The following SNRPA1 variants were observed in gnomAD, a reference collection of about 807,000 sequenced individuals.
SNRPA1 encodes small nuclear ribonucleoprotein polypeptide A'.
A neutral mutation model predicts 32.3 loss-of-function variants in SNRPA1; 5 were observed. That is an observed-to-expected ratio of 0.15 (90% confidence interval 0.08 to 0.33). The LOEUF is 0.33. SNRPA1 is among the 10% of genes least tolerant of loss of function. The probability of loss-of-function intolerance (pLI) is 1.00; values close to 1 mark genes in which losing one functional copy is unlikely to be tolerated. For synonymous variants in SNRPA1, 111 were observed against 120.1 expected, an observed-to-expected ratio of 0.92 and a Z score of 0.50; for missense variants, 198 against 311.1, an observed-to-expected ratio of 0.64 and a Z score of 2.74.
chr15:101,286,873 C>A (rs760487919), intron 5 of SNRPA1, 35 bp downstream of exon 5: 3 of 1,097,854 alleles, frequency 2.7e-6, no homozygotes, highest in South Asian at 2.6e-5. Context: ...ACACACAACT[C>A]TATAATGGCT....
chr15:101,292,618 G>A (rs530279583), intron 2 of SNRPA1, among the ~76,000 whole-genome samples: 1 of 149,924 alleles, frequency 6.7e-6, no homozygotes, highest in African/African-American at 2.4e-5. Context: ...GAGACGCTCA[G>A]TCAAAAGTAT....
intron 1 of SNRPA1, 33 bp downstream of exon 1, chr15:101,295,064 C>G (rs1596473961): frequency 7.2e-7 from 1 of 1,387,706 alleles, no homozygotes; most frequent in Non-Finnish European, 9.6e-7. Flanking sequence ...TCGGTGCCGC[C>G]TGGGGACTGG....
intron 1 of SNRPA1, among the ~76,000 whole-genome samples, chr15:101,294,372 T>C (rs1029135708): frequency 1.9e-4 from 29 of 152,212 alleles, no homozygotes; most frequent in Admixed American, 1.9e-3. Flanking sequence ...GGTCTTATCC[T>C]CAGAGAAGTT....
chr15:101,286,307 AC>A lies in SNRPA1; in HGVS notation c.460-15del, dbSNP rs1450744871. On this transcript the variant is annotated splice_polypyrimidine_tract_variant and intron_variant, in intron 5 of 8. Coordinates refer to ENST00000254193, the MANE Select transcript of SNRPA1 (RefSeq NM_003090.4). The stretch of plus-strand genomic sequence containing the variant: ...TTCCTGACGCTCCTACAGCGACACC[AC>A]ACACAGAGTTAATGGAAATAGGAAT... The A allele has an allele frequency of 1.9e-6, 3 of 1,612,326 alleles. No individual in the cohort carries two copies. Among genetic ancestry groups the A allele is most frequent in the Non-Finnish European group, 2.5e-6 (3 of 1,178,550 alleles).
chr15:101,290,280 C>T (rs542502068), intron 3 of SNRPA1, among the ~76,000 whole-genome samples: 1 of 152,344 alleles, frequency 6.6e-6, no homozygotes, highest in African/African-American at 2.4e-5. Context: ...CTCTCAATAA[C>T]TGATAAGCCC....
chr15:101,282,023 C>T (rs1288664826), intron 8 of SNRPA1, among the ~76,000 whole-genome samples: 1 of 152,220 alleles, frequency 6.6e-6, no homozygotes, highest in Non-Finnish European at 1.5e-5. Context: ...AAATTGTTGC[C>T]TCCCATTGTA....
At chr15:101,287,913 TTC>T in intron 3 of SNRPA1, 1 of 520,662 alleles carries the variant, frequency 1.9e-6, no homozygotes, top group Non-Finnish European at 3.5e-6. Context: ...CATTAACAGC[TTC>T]TGTCTCAATA....
chr15:101,288,693 G>A (rs2039484282), intron 3 of SNRPA1, among the ~76,000 whole-genome samples: 1 of 152,224 alleles, frequency 6.6e-6, no homozygotes, highest in Non-Finnish European at 1.5e-5. Context: ...GGAACAAGTA[G>A]AGACAACCCA....
At chr15:101,287,856 T>C in intron 3 of SNRPA1, 154 bp from the exon 4 acceptor site, 1 of 648,322 alleles carries the variant, frequency 1.5e-6, no homozygotes, top group South Asian at 1.8e-5. Context: ...CACAAATGTT[T>C]AAATAATTTC....
chr15:101,284,359 G>T (rs573221728), intron 8 of SNRPA1, among the ~76,000 whole-genome samples: 1 of 152,172 alleles, frequency 6.6e-6, no homozygotes, highest in African/African-American at 2.4e-5. Flanking sequence ...AACTACTGAG[G>T]TATCATGCAC....
intron 8 of SNRPA1, among the ~76,000 whole-genome samples, chr15:101,283,601 ACAGACTCC>A (rs964024915): frequency 4.6e-5 from 7 of 152,102 alleles, no homozygotes; most frequent in Non-Finnish European, 7.4e-5. Flanking sequence ...TCTTCACCTT[ACAGACTCC>A]CAGAGGCCCA....
chr15:101,286,941 G>C lies in SNRPA1; in HGVS notation c.426C>G (p.Val142=), dbSNP rs1273354287. 6.2e-7 allele frequency: 1 copy of C among 1,603,584 alleles called. No individual in the cohort carries two copies. The highest frequency in any genetic ancestry group is 1.7e-5 in the Admixed American group (1 of 59,920). Residue 142 remains valine (V), a synonymous_variant, in exon 5 of 9, where the codon GTC becomes GTG. Coordinates refer to ENST00000254193, the MANE Select transcript of SNRPA1 (RefSeq NM_003090.4). ...RLYVIYKVPQ[V]RVLDFQKVKL... Reference sequence around the variant, plus strand: ...TCACTTTCTGGAAATCCAGTACTCTGACTTGCGGAACTTTATAAATCACAT... The same window carrying C: ...TCACTTTCTGGAAATCCAGTACTCTCACTTGCGGAACTTTATAAATCACAT...
chr15:101,287,116 T>C, intron 4 of SNRPA1, 106 bp from the exon 5 acceptor site: 2 of 563,102 alleles, frequency 3.6e-6, no homozygotes, highest in South Asian at 5.0e-5. Context: ...ACATTCACAT[T>C]CTTCACATTG....
chr15:101,283,770 G>C (rs8027103), intron 8 of SNRPA1, among the ~76,000 whole-genome samples: 28,929 of 152,056 alleles, frequency 0.19, 8,008 homozygotes, highest in African/African-American at 0.61. Flanking sequence ...ATGGTGAAAC[G>C]CTGTCTCTAC....
intron 3 of SNRPA1, among the ~76,000 whole-genome samples, chr15:101,290,539 G>A (rs2039511485): frequency 1.3e-5 from 2 of 151,948 alleles, no homozygotes; most frequent in African/African-American, 2.4e-5. Context: ...AGGAAAATAC[G>A]GGAGGAAGGT....
Position 101,292,059 on chromosome 15 carries a change from C to G in SNRPA1, c.231-19G>C. The G allele has an allele frequency of 6.4e-7, 1 of 1,564,546 alleles. No individual in the cohort carries two copies. Among genetic ancestry groups the G allele is most frequent in the Non-Finnish European group, 8.8e-7 (1 of 1,136,002 alleles). On this transcript the variant is annotated intron_variant, in intron 2 of 8. Transcript: ENST00000254193. ...TATACGGCTAAAATAAAAATAGAGT[C>G]TTAGTAAAAGTGAAAATTAAATAAG...
intron 4 of SNRPA1, 44 bp downstream of exon 4, chr15:101,287,612 T>C: frequency 6.5e-7 from 1 of 1,543,818 alleles, no homozygotes; most frequent in Non-Finnish European, 9.0e-7. Flanking sequence ...AAAGTAATGT[T>C]ATTTTAAAGG....
intron 2 of SNRPA1, 102 bp downstream of exon 2, chr15:101,292,921 AAG>A: frequency 1.6e-6 from 1 of 626,814 alleles, no homozygotes; most frequent in Non-Finnish European, 2.5e-6. Context: ...GAAAAAGAAA[AAG>A]AAACATGTAG....
In SNRPA1 at chr15:101,295,195, C is replaced by T. The variant is rs898043908; in HGVS notation, c.-17G>A. 5.2e-6 allele frequency: 8 copies of T among 1,526,554 alleles called. No individual in the cohort carries two copies. Among genetic ancestry groups the T allele is most frequent in the African/African-American group, 2.9e-5 (2 of 69,500 alleles). The allele number at this position is 1,526,554 out of a possible 1,614,324, so 94.6% of individuals were successfully genotyped here. A position where few individuals can be genotyped will look rare whatever the true frequency, so the allele number is the denominator to read the frequency against. The stretch of plus-strand genomic sequence containing the variant: ...CTTGACCATCCTGCAGCCTCCCGTT[C>T]CCCCGCGCTGTGGAAAGCCCGTGGC... On this transcript the variant is annotated 5_prime_UTR_variant, in exon 1 of 9. Transcript: ENST00000254193.
Sources: allele counts gnomAD v4.1 joint callset (sites outside exome capture counted in the v4.1 genomes callset), GRCh38; gene constraint gnomAD v4.1.1; transcripts MANE v1.5; gene names NCBI Gene and HGNC (gene_info 2026-07-23, HGNC 2026-07-21).